Variants in DCC observed in about 807,000 individuals in gnomAD.
DCC encodes netrin receptor DCC.
Under a neutral mutation model 172.5 loss-of-function variants are expected in DCC, and 58 were observed. That is an observed-to-expected ratio of 0.34 (90% CI 0.27 to 0.42). DCC has a LOEUF of 0.42. Ranked by LOEUF, DCC falls within the 10% of genes least tolerant of loss-of-function variation. The pLI is 1.00. For synonymous variants in DCC, 709 were observed against 644.5 expected (o/e 1.10, Z -1.52); for missense variants, 1,740 against 1,791.0 (o/e 0.97, Z 0.51).
At chr18:52,874,583 C>T (rs1339289854) in intron 2 of DCC, among the ~76,000 whole-genome samples, 1 of 152,142 alleles carries the variant, frequency 6.6e-6, no homozygotes. Flanking sequence ...ATCTTGTCTA[C>T]ATCATATCTC....
chr18:52,941,486 T>TTG (rs74178695), intron 5 of DCC, among the ~76,000 whole-genome samples: 3,109 of 149,496 alleles, frequency 0.021, 63 homozygotes, highest in Middle Eastern at 0.07. Flanking sequence ...ATATACATGT[T>TTG]TGTGTGTGTG....
rs540772230 is a variant in DCC, at chr18:53,215,456, A to G, written c.1862-92A>G. 35 of 1,070,088 alleles carry G rather than the reference A, an allele frequency of 3.3e-5. No individual in the cohort carries two copies. The East Asian group carries it at 8.0e-4, about 25-fold the overall frequency. The allele number at this position is 1,070,088 out of a possible 1,614,324, so 66.3% of individuals were successfully genotyped here. A position where few individuals can be genotyped will look rare whatever the true frequency, so the allele number is the denominator to read the frequency against. On this transcript the variant is annotated intron_variant, in intron 11 of 28. Coordinates refer to ENST00000442544, the MANE Select transcript of DCC (RefSeq NM_005215.4). ...ACCTAATTATCATTATAAACTATATAAACAAAACCACACTCTCTTTTTACT... is the reference window on the plus strand; with the variant it reads ...ACCTAATTATCATTATAAACTATATGAACAAAACCACACTCTCTTTTTACT...
At chr18:53,040,330 C>T (rs2042152718) in intron 5 of DCC, among the ~76,000 whole-genome samples, 1 of 151,934 alleles carries the variant, frequency 6.6e-6, no homozygotes, top group Non-Finnish European at 1.5e-5. Flanking sequence ...TTGATAATGC[C>T]AGGATTTGGA....
At chr18:53,093,256 G>A (rs748228058) in intron 7 of DCC, among the ~76,000 whole-genome samples, 6 of 152,090 alleles carry the variant, frequency 3.9e-5, no homozygotes, top group Non-Finnish European at 5.9e-5. Context: ...CAGCCTGGGC[G>A]ACAGAGCGAG....
chr18:52,643,405 G>T (rs539069057), intron 1 of DCC, among the ~76,000 whole-genome samples: 1 of 152,286 alleles, frequency 6.6e-6, no homozygotes, highest in South Asian at 2.1e-4. Context: ...GAAGAAATTA[G>T]GGAATATTTG....
intron 1 of DCC, among the ~76,000 whole-genome samples, chr18:52,703,394 T>C (rs1055170908): frequency 6.6e-6 from 1 of 152,228 alleles, no homozygotes; most frequent in African/African-American, 2.4e-5. Context: ...GACCTTCCAG[T>C]TGTCAAATCT....
chr18:53,225,189 C>T (rs896219854), intron 12 of DCC, among the ~76,000 whole-genome samples: 8 of 151,848 alleles, frequency 5.3e-5, no homozygotes, highest in Non-Finnish European at 1.5e-5. Flanking sequence ...ATATGACATT[C>T]GAGAGAGAGT....
At chr18:52,543,291 C>T (rs1284716169) in intron 1 of DCC, among the ~76,000 whole-genome samples, 2 of 152,124 alleles carry the variant, frequency 1.3e-5, no homozygotes. Flanking sequence ...ATCATTTCAA[C>T]ATTAAATCAA....
intron 5 of DCC, among the ~76,000 whole-genome samples, chr18:52,994,151 A>G (rs1165978919): frequency 6.6e-6 from 1 of 152,000 alleles, no homozygotes; most frequent in Non-Finnish European, 1.5e-5. Context: ...TGCCCATAAG[A>G]TTTTCTATAA....
intron 12 of DCC, among the ~76,000 whole-genome samples, chr18:53,302,380 A>G (rs1347112372): frequency 2.0e-5 from 3 of 152,192 alleles, no homozygotes; most frequent in East Asian, 1.9e-4. Context: ...CAGAACAACT[A>G]TTTAGACTAT....
At position 52,736,534 on chromosome 18, in the gene DCC, T is replaced by C. The variant is rs191288910; in HGVS notation, c.92-15520T>C. On this transcript the variant is annotated intron_variant, in intron 1 of 28. Coordinates refer to ENST00000442544, the MANE Select transcript of DCC (RefSeq NM_005215.4). ...GAGGGCACATTTTTCATACTGTTTT[T>C]TGAACTGCAGAGAAAAAAAGTTGAA... 8.2e-3 allele frequency among the ~76,000 whole-genome samples: 1,241 copies of C among 152,256 alleles called. 44 individuals carry two copies. The highest frequency in any genetic ancestry group is 0.066 in the Admixed American group (1,015 of 15,280).
intron 2 of DCC, among the ~76,000 whole-genome samples, chr18:52,829,065 T>C (rs961748274): frequency 2.6e-5 from 4 of 152,234 alleles, no homozygotes; most frequent in African/African-American, 9.6e-5. Context: ...CTAGCTGTTA[T>C]GCTGTTAATT....
intron 1 of DCC, among the ~76,000 whole-genome samples, chr18:52,439,497 C>T (rs548889834): frequency 6.6e-6 from 1 of 151,994 alleles, no homozygotes; most frequent in Non-Finnish European, 1.5e-5. Context: ...GCTCCCAGTT[C>T]CCTCATTAGT....
At chr18:53,106,045 T>C (rs2043241681) in intron 7 of DCC, among the ~76,000 whole-genome samples, 1 of 151,690 alleles carries the variant, frequency 6.6e-6, no homozygotes, top group Admixed American at 6.6e-5. Flanking sequence ...TTTTGTATTT[T>C]ATTTGACTGT....
In DCC at chr18:53,312,358, AAAAAAG is replaced by A. The variant is rs796997324; in HGVS notation, c.2053+6653_2053+6658del. On this transcript the variant is annotated intron_variant, in intron 13 of 28. Transcript: ENST00000442544. ...TCTGTCTCAAAAAAAAAAAAAAAAA[AAAAAAG>A]AAAAAGAAAAAGATAAAGATTACCA... 9.2e-4 allele frequency among the ~76,000 whole-genome samples: 130 copies of A among 141,190 alleles called. 4 individuals are homozygous for A. The highest frequency in any genetic ancestry group is 3.7e-3 in the South Asian group (16 of 4,330). 92.6% of individuals were successfully genotyped at this position (141,190 alleles called of 152,430 possible).
chr18:52,921,425 T>C (rs2040123350), intron 3 of DCC, among the ~76,000 whole-genome samples: 1 of 152,096 alleles, frequency 6.6e-6, no homozygotes, highest in Admixed American at 6.6e-5. Flanking sequence ...TCAGCTGGGC[T>C]TGGTGGCTCA....
intron 22 of DCC, among the ~76,000 whole-genome samples, chr18:53,448,255 A>C (rs1414767884): frequency 6.6e-6 from 1 of 152,184 alleles, no homozygotes; most frequent in East Asian, 1.9e-4. Flanking sequence ...TAAAGGAAAG[A>C]GGTTTAATTG....
chr18:53,006,581 C>A (rs935271931), intron 5 of DCC, among the ~76,000 whole-genome samples: 1 of 152,136 alleles, frequency 6.6e-6, no homozygotes, highest in South Asian at 2.1e-4. Flanking sequence ...AAGAATCCCA[C>A]GTGAATGCTA....
intron 12 of DCC, among the ~76,000 whole-genome samples, chr18:53,239,200 AAAAAT>A (rs199967148): frequency 0.036 from 5,385 of 150,196 alleles, 351 homozygotes; most frequent in African/African-American, 0.12. Flanking sequence ...TAATAATAAT[AAAAAT>A]AAATAAATAA....
Sources: gnomAD v4.1 joint callset for allele counts (sites outside exome capture counted in the v4.1 genomes callset) on GRCh38, gnomAD v4.1.1 for gene constraint, MANE v1.5 for transcripts, NCBI Gene and HGNC (gene_info 2026-07-23, HGNC 2026-07-21) for gene names.